The following GARIN1A variants were observed in gnomAD, a reference collection of about 807,000 sequenced individuals.
GARIN1A encodes the protein golgi associated RAB2 interactor 1A, also known as Golgi-associated RAB2 interactor protein 1A.
the GARIN1A span, among the ~76,000 whole-genome samples, chr7:128,675,164 A>ATAGG: frequency 6.6e-6 from 1 of 152,138 alleles, no homozygotes; most frequent in African/African-American, 2.4e-5. Context: ...CTTCAAGAGA[A>ATAGG]TAGGTCCTCA....
At chr7:128,703,097 CAA>C in the GARIN1A span, among the ~76,000 whole-genome samples, 1 of 152,176 alleles carries the variant, frequency 6.6e-6, no homozygotes. Context: ...AATTATAGAT[CAA>C]GTCTTCAATA....
chr7:128,677,519 A>AAAAAAAAAAT, the GARIN1A span: 1 of 1,472,982 alleles, frequency 6.8e-7, no homozygotes, highest in Non-Finnish European at 9.0e-7. Flanking sequence ...AAAAAAAAAA[A>AAAAAAAAAAT]AGAAACCACG....
At chr7:128,682,843 C>T in the GARIN1A span, 1 of 709,540 alleles carries the variant, frequency 1.4e-6, no homozygotes, top group Non-Finnish European at 2.2e-6. Flanking sequence ...TCCCAAAGTG[C>T]TAGGATTACA....
the GARIN1A span, among the ~76,000 whole-genome samples, chr7:128,708,901 AG>A: frequency 2.6e-5 from 4 of 152,336 alleles, no homozygotes; most frequent in South Asian, 4.1e-4. Flanking sequence ...CTCCAGTTGT[AG>A]GTGGGCTCAT....
chr7:128,692,599 G>A, the GARIN1A span, among the ~76,000 whole-genome samples: 2 of 152,200 alleles, frequency 1.3e-5, no homozygotes, highest in Non-Finnish European at 2.9e-5. Context: ...TAAAGTTTCT[G>A]ACATGGAATT....
At chr7:128,675,565 C>A in the GARIN1A span, 1 of 1,113,640 alleles carries the variant, frequency 9.0e-7, no homozygotes, top group Non-Finnish European at 1.3e-6. Flanking sequence ...CAGGGCCCAG[C>A]CCAGTGTGTG....
the GARIN1A span, among the ~76,000 whole-genome samples, chr7:128,699,597 T>G: frequency 6.6e-6 from 1 of 152,240 alleles, no homozygotes; most frequent in Non-Finnish European, 1.5e-5. Flanking sequence ...TGCAATTCAG[T>G]GATTAAAATT....
chr7:128,675,768 A>G, the GARIN1A span: 1 of 1,613,800 alleles, frequency 6.2e-7, no homozygotes. Flanking sequence ...GCCACTCCCC[A>G]ATGTCCTCCT....
At chr7:128,688,630 G>T in the GARIN1A span, among the ~76,000 whole-genome samples, 1 of 152,110 alleles carries the variant, frequency 6.6e-6, no homozygotes, top group Non-Finnish European at 1.5e-5. Context: ...TGCACATGTA[G>T]AGTTGTGTGA....
At chr7:128,677,516 A>AAAAAAAG in the GARIN1A span, 10 of 1,465,350 alleles carry the variant, frequency 6.8e-6, no homozygotes, top group Non-Finnish European at 9.0e-6. Flanking sequence ...AAAAAAAAAA[A>AAAAAAAG]AAAAGAAACC....
At chr7:128,691,361 A>C in the GARIN1A span, 3 of 152,296 alleles carry the variant, frequency 2.0e-5, no homozygotes, top group Non-Finnish European at 4.4e-5. Flanking sequence ...GAGGATGAGG[A>C]GAATGGGGTC....
the GARIN1A span, chr7:128,686,886 AAAAT>A: frequency 1.4e-5 from 2 of 139,832 alleles, no homozygotes; most frequent in Non-Finnish European, 3.2e-5. Flanking sequence ...AAAAAAAAAA[AAAAT>A]ATATCTGACT....
the GARIN1A span, among the ~76,000 whole-genome samples, chr7:128,694,649 C>A: frequency 9.2e-5 from 14 of 152,114 alleles, no homozygotes. Context: ...ATAAGGGGTA[C>A]TGGTCACAAG....
the GARIN1A span, chr7:128,682,996 G>A: frequency 7.9e-5 from 127 of 1,608,918 alleles, no homozygotes; most frequent in Non-Finnish European, 9.7e-5. Flanking sequence ...ATAGACAACT[G>A]CAGCAGCTAC....
At chr7:128,700,969 T>TC in the GARIN1A span, among the ~76,000 whole-genome samples, 1 of 149,948 alleles carries the variant, frequency 6.7e-6, no homozygotes, top group Non-Finnish European at 1.5e-5. Context: ...GGGGCTTGGC[T>TC]CCCCCACAGA....
At chr7:128,678,678 C>T in the GARIN1A span, among the ~76,000 whole-genome samples, 1 of 151,762 alleles carries the variant, frequency 6.6e-6, no homozygotes, top group African/African-American at 2.4e-5. Context: ...GTGGCAGGCC[C>T]CTATAATACT....
chr7:128,700,654 A>G, the GARIN1A span, among the ~76,000 whole-genome samples: 2 of 152,232 alleles, frequency 1.3e-5, no homozygotes, highest in African/African-American at 4.8e-5. Flanking sequence ...GTTAAAATCA[A>G]TATTAAAATA....
chr7:128,697,627 C>G, the GARIN1A span: 1 of 152,842 alleles, frequency 6.5e-6, no homozygotes, highest in Admixed American at 6.6e-5. Context: ...TAACTCTGCT[C>G]CCCCTTTTAC....
the GARIN1A span, chr7:128,672,231 C>T: frequency 1.8e-6 from 1 of 545,870 alleles, no homozygotes; most frequent in South Asian, 2.7e-5. Flanking sequence ...TGATGTCATT[C>T]CTGCCATTGT....
Sources: gnomAD v4.1 joint callset for allele counts (sites outside exome capture counted in the v4.1 genomes callset) on GRCh38, gnomAD v4.1.1 for gene constraint, MANE v1.5 for transcripts, NCBI Gene and HGNC (gene_info 2026-07-23, HGNC 2026-07-21) for gene names.